The following RUNX2 variants were observed in gnomAD, a reference collection of about 807,000 sequenced individuals.
The protein encoded by RUNX2 is RUNX family transcription factor 2.
In RUNX2, 10 loss-of-function variants were observed where a neutral mutation model predicts 51.7. That is an observed-to-expected ratio of 0.19 (90% confidence interval 0.12 to 0.33). The LOEUF is 0.33. Among genes scored for constraint, RUNX2 ranks in the 10% least tolerant of loss-of-function variants. RUNX2 has a pLI of 1.00. For missense variants in RUNX2, 562 were observed against 691.3 expected, an observed-to-expected ratio of 0.81 and a Z score of 2.10; for synonymous variants, 276 against 273.6, an observed-to-expected ratio of 1.01 and a Z score of -0.09.
At chr6:45,385,992 G>A (rs1797338441) in intron 2 of RUNX2, among the ~76,000 whole-genome samples, 1 of 151,730 alleles carries the variant, frequency 6.6e-6, no homozygotes, top group Non-Finnish European at 1.5e-5. Flanking sequence ...TTAATATTAA[G>A]TAGTTTTTTC....
chr6:45,345,498 A>C (rs897696312), intron 2 of RUNX2, among the ~76,000 whole-genome samples: 6 of 152,162 alleles, frequency 3.9e-5, no homozygotes, highest in African/African-American at 1.4e-4. Flanking sequence ...CCAACGCTCA[A>C]ACCTGCAGCT....
At chr6:45,334,449 CAAA>C (rs551014969) in intron 2 of RUNX2, among the ~76,000 whole-genome samples, 56 of 91,720 alleles carry the variant, frequency 6.1e-4, no homozygotes, top group Middle Eastern at 8.3e-3. Flanking sequence ...TCAGGAAAAG[CAAA>C]AAAAAAAAAA....
chr6:45,495,121 C>G (rs945692720), intron 6 of RUNX2, among the ~76,000 whole-genome samples: 1 of 152,260 alleles, frequency 6.6e-6, no homozygotes, highest in African/African-American at 2.4e-5. Flanking sequence ...TTCATCCACC[C>G]TCTAAGCTTT....
chr6:45,355,831 T>C (rs572541080), intron 2 of RUNX2, among the ~76,000 whole-genome samples: 14 of 152,160 alleles, frequency 9.2e-5, no homozygotes, highest in Non-Finnish European at 2.1e-4. Context: ...TGGAAAGTAA[T>C]TCCAACCAAA....
intron 5 of RUNX2, among the ~76,000 whole-genome samples, chr6:45,459,039 G>T (rs1799399667): frequency 6.6e-6 from 1 of 152,136 alleles, no homozygotes; most frequent in Non-Finnish European, 1.5e-5. Flanking sequence ...CTGTGTGTAT[G>T]TGACATTAAG....
At chr6:45,519,790 ATG>A (rs35210688) in intron 7 of RUNX2, among the ~76,000 whole-genome samples, 17,848 of 123,640 alleles carry the variant, frequency 0.14, 1,728 homozygotes, top group African/African-American at 0.28. Flanking sequence ...ATATATATAT[ATG>A]TGTGTGTGTG....
chr6:45,440,519 C>G (rs1798813073), intron 5 of RUNX2, among the ~76,000 whole-genome samples: 1 of 152,208 alleles, frequency 6.6e-6, no homozygotes, highest in South Asian at 2.1e-4. Flanking sequence ...ATGGTGGTCT[C>G]TGTCACAACC....
At chr6:45,388,107 G>A (rs1234413228) in intron 2 of RUNX2, among the ~76,000 whole-genome samples, 2 of 152,158 alleles carry the variant, frequency 1.3e-5, no homozygotes, top group African/African-American at 2.4e-5. Context: ...TGGGATAGAC[G>A]AAGGCTAATG....
Position 45,359,498 on chromosome 6 carries a change from T to C in RUNX2, c.58+30714T>C, listed in dbSNP as rs80088603. Among the ~76,000 whole-genome samples, 577 of 152,240 alleles carry C rather than the reference T, an allele frequency of 3.8e-3. 2 individuals are homozygous for C. Among genetic ancestry groups the C allele is most frequent in the Non-Finnish European group, 5.8e-3 (396 of 68,002 alleles). On this transcript the variant is annotated intron_variant, in intron 2 of 8. Transcript: ENST00000647337. Reference sequence around the variant, plus strand: ...AGTTTACCACATATTTTAGTGTAATTTAAATATCAGGAAGATCAATTATTA... The same window carrying C: ...AGTTTACCACATATTTTAGTGTAATCTAAATATCAGGAAGATCAATTATTA...
At chr6:45,373,852 CTG>C (rs1796425187) in intron 2 of RUNX2, among the ~76,000 whole-genome samples, 1 of 152,192 alleles carries the variant, frequency 6.6e-6, no homozygotes, top group African/African-American at 2.4e-5. Context: ...CACACCCAGC[CTG>C]TGACTTACAA....
At position 45,401,530 on chromosome 6, in the gene RUNX2, T is replaced by C. The variant is rs570187751; in HGVS notation, c.59-21063T>C. Among the ~76,000 whole-genome samples the C allele has an allele frequency of 2.6e-5, 4 of 152,350 alleles. No homozygotes were observed. In the South Asian group the frequency reaches 8.3e-4, roughly 32 times the overall value. On this transcript the variant is annotated intron_variant, in intron 2 of 8. Transcript: ENST00000647337. ...TGTATAACTTCTTTGAGTCCATTTC[T>C]AAGTCTTCTAATCCAAAAAAGAGGT...
At chr6:45,393,663 C>T (rs556130636) in intron 2 of RUNX2, among the ~76,000 whole-genome samples, 3 of 152,110 alleles carry the variant, frequency 2.0e-5, no homozygotes, top group East Asian at 3.9e-4. Context: ...CTCCTGACCT[C>T]GTGATCTACC....
intron 5 of RUNX2, among the ~76,000 whole-genome samples, chr6:45,462,835 T>C (rs1799513341): frequency 6.6e-6 from 1 of 152,250 alleles, no homozygotes; most frequent in South Asian, 2.1e-4. Context: ...GCAAGTTAAT[T>C]TTGACATGGA....
At chr6:45,536,965 T>G (rs906811080) in intron 7 of RUNX2, among the ~76,000 whole-genome samples, 1 of 152,228 alleles carries the variant, frequency 6.6e-6, no homozygotes, top group East Asian at 1.9e-4. Flanking sequence ...ATGTATTTTC[T>G]AGCTTGGAGA....
intron 2 of RUNX2, among the ~76,000 whole-genome samples, chr6:45,376,185 A>T (rs1796748771): frequency 6.7e-6 from 1 of 149,942 alleles, no homozygotes; most frequent in Non-Finnish European, 1.5e-5. Context: ...TTTTGCTTTA[A>T]TTTGTCAAGA....
chr6:45,528,154 C>T (rs1010700487), intron 7 of RUNX2, among the ~76,000 whole-genome samples: 1 of 152,122 alleles, frequency 6.6e-6, no homozygotes, highest in African/African-American at 2.4e-5. Context: ...GACCCACCCC[C>T]ATGATTCAGT....
At chr6:45,434,737 GA>G (rs1299512146) in intron 4 of RUNX2, among the ~76,000 whole-genome samples, 1 of 151,896 alleles carries the variant, frequency 6.6e-6, no homozygotes, top group Non-Finnish European at 1.5e-5. Flanking sequence ...TTTTCCTGAT[GA>G]AGCCATGGAT....
intron 2 of RUNX2, among the ~76,000 whole-genome samples, chr6:45,351,303 C>T (rs1184415427): frequency 6.6e-6 from 1 of 152,100 alleles, no homozygotes; most frequent in Non-Finnish European, 1.5e-5. Flanking sequence ...ACTAACCCAT[C>T]AAGATCACAA....
chr6:45,376,958 T>A (rs995695597), intron 2 of RUNX2, among the ~76,000 whole-genome samples: 1 of 151,762 alleles, frequency 6.6e-6, no homozygotes, highest in African/African-American at 2.4e-5. Flanking sequence ...TCTATTAGCC[T>A]CTTGGAGAAA....
Sources: allele counts gnomAD v4.1 joint callset (sites outside exome capture counted in the v4.1 genomes callset), GRCh38; gene constraint gnomAD v4.1.1; transcripts MANE v1.5; gene names NCBI Gene and HGNC (gene_info 2026-07-23, HGNC 2026-07-21).